Variants in NBPF26 observed in about 807,000 individuals in gnomAD.
The protein encoded by NBPF26 is NBPF family member NBPF26.
In NBPF26, 79 loss-of-function variants were observed where a neutral mutation model predicts 119.6. The observed-to-expected ratio is 0.66, with a 90% CI of 0.55 to 0.80. The LOEUF (loss-of-function observed/expected upper bound fraction) is 0.80, where lower values mean the gene tolerates loss of function less well. Ranked by LOEUF, NBPF26 falls within the 30% of genes least tolerant of loss-of-function variation. NBPF26 has a pLI of 0.00. For missense variants in NBPF26, 800 were observed against 1,198.2 expected (o/e 0.67, Z 4.91); for synonymous variants, 299 against 457.7 (o/e 0.65, Z 4.43).
Position 120,793,589 on chromosome 1 carries a change from A to G in NBPF26, c.751+93A>G. The G allele has an allele frequency of 3.1e-6, 3 of 972,818 alleles. 1 individual carries two copies. Among genetic ancestry groups the G allele is most frequent in the Non-Finnish European group, 1.5e-6 (1 of 669,622 alleles). 60.3% of individuals were successfully genotyped at this position (972,818 alleles called of 1,614,324 possible). On this transcript the variant is annotated intron_variant, in intron 4 of 29. Coordinates refer to ENST00000620612, the Ensembl canonical transcript of NBPF26. The stretch of plus-strand genomic sequence containing the variant: ...TCAATTGCATTTTTTAGGAAGCGCA[A>G]GGAAAAAGGGAAGTGAGAATTTTGT...
At position 120,785,202 on chromosome 1, in the gene NBPF26, C is replaced by G. The variant is rs1382545787; in HGVS notation, c.384C>G (p.Thr128=). 3 of 1,445,520 alleles carry G rather than the reference C, an allele frequency of 2.1e-6. 1 individual carries two copies. The Admixed American group carries it at 5.8e-5, about 28-fold the overall frequency. The allele number at this position is 1,445,520 out of a possible 1,614,324, so 89.5% of individuals were successfully genotyped here. A position where few individuals can be genotyped will look rare whatever the true frequency, so the allele number is the denominator to read the frequency against. The change falls in exon 3 of 30, where the codon ACC becomes ACG. Residue 128 remains threonine (T), a synonymous_variant. Transcript: ENST00000620612. ...CATGCCATATGCTCAGCCGGGATACCTATGAGTGCACCTGTCAAGTCGGGT... is the reference window on the plus strand; with the variant it reads ...CATGCCATATGCTCAGCCGGGATACGTATGAGTGCACCTGTCAAGTCGGGT...
At chr1:120,783,605 C>A (rs1651390272) in intron 2 of NBPF26, among the ~76,000 whole-genome samples, 1 of 94,562 alleles carries the variant, frequency 1.1e-5, no homozygotes, top group Non-Finnish European at 1.9e-5. Context: ...AGAGAGATGA[C>A]TTCTAGAAAA....
At chr1:120,806,391 G>C (rs1651684626) in intron 5 of NBPF26, among the ~76,000 whole-genome samples, 1 of 107,864 alleles carries the variant, frequency 9.3e-6, no homozygotes, top group Non-Finnish European at 1.8e-5. Context: ...TCAGCAGTTT[G>C]AGACTAGCCT....
In NBPF26 at chr1:120,814,756, A is replaced by G. The variant is rs1264728370; in HGVS notation, c.1878-73A>G. 153 of 974,640 alleles carry G rather than the reference A, an allele frequency of 1.6e-4. 22 individuals carry two copies. Among genetic ancestry groups the G allele is most frequent in the African/African-American group, 4.4e-4 (18 of 41,080 alleles). The allele number at this position is 974,640 out of a possible 1,614,324, so 60.4% of individuals were successfully genotyped here. Reference sequence around the variant, plus strand: ...TCTCCTTGAGGACATTGTCTCAGAAATCTCTGTTGCAATATTTGAGCGGAT... The same window carrying G: ...TCTCCTTGAGGACATTGTCTCAGAAGTCTCTGTTGCAATATTTGAGCGGAT... On this transcript the variant is annotated intron_variant, in intron 11 of 29. Coordinates refer to ENST00000620612, the Ensembl canonical transcript of NBPF26.
chr1:120,790,203 A>G lies in NBPF26; in HGVS notation c.416-2958A>G, dbSNP rs1651468926. Among the ~76,000 whole-genome samples, 2 of 103,114 alleles carry G rather than the reference A, an allele frequency of 1.9e-5. 1 individual carries two copies. The allele number at this position is 103,114 out of a possible 152,430, so 67.6% of individuals were successfully genotyped here. On this transcript the variant is annotated intron_variant, in intron 3 of 29. Coordinates refer to ENST00000620612, the Ensembl canonical transcript of NBPF26. ...GCTAATTTTTGTATTTTTAGTAGAG[A>G]TGGGCTTTCACCTTGTTAGCCAGAA...
In NBPF26 at chr1:120,813,871, G is replaced by T. The variant is rs1651937364; in HGVS notation, c.1775-20G>T. On this transcript the variant is annotated intron_variant, in intron 10 of 29. Coordinates refer to ENST00000620612, the Ensembl canonical transcript of NBPF26. ...CATGTCCAGCCTTCCACTGAGGCAG[G>T]TGTGTCTGTCTTTTCTCAGAATATG... 31 of 1,461,328 alleles carry T rather than the reference G, an allele frequency of 2.1e-5. 4 individuals carry two copies. The highest frequency in any genetic ancestry group is 1.8e-4 in the South Asian group (15 of 85,090). The allele number at this position is 1,461,328 out of a possible 1,614,324, so 90.5% of individuals were successfully genotyped here.
Position 120,724,236 on chromosome 1 carries a change from C to A in NBPF26, c.59C>A (p.Ala20Glu). 2.1e-6 allele frequency: 3 copies of A among 1,402,846 alleles called. No homozygotes were observed. The South Asian group carries it at 3.8e-5, about 18-fold the overall frequency. 86.9% of individuals were successfully genotyped at this position (1,402,846 alleles called of 1,614,324 possible). A position where few individuals can be genotyped will look rare whatever the true frequency, so the allele number is the denominator to read the frequency against. ...CTGCTGGCGCTCTGGCTGTGCTGGG[C>A]GGCCCCCGCGCATGGTGAGTATCGG... Residue 20 changes from alanine to glutamate, a missense_variant, in exon 1 of 30, where the codon GCG becomes GAG. By Grantham distance (107) the Ala-to-Glu change is moderately radical. This residue lies in a region of NBPF26 where 209 missense variants were observed against 285.2 expected (regional missense o/e 0.73). Transcript: ENST00000620612.
chr1:120,805,634 T>A lies in NBPF26; in HGVS notation c.830T>A (p.Met277Lys). ...CATTGGTCCAGTGAGAAGGCAGAGA[T>A]GAACATTCTAGAAATCAACGAGACA... The change falls in exon 5 of 30, where the codon ATG becomes AAG. Residue 277 changes from methionine (M) to lysine (K), a missense_variant. By Grantham distance (95) the Met-to-Lys change is moderately conservative. Coordinates refer to ENST00000620612, the Ensembl canonical transcript of NBPF26. 5.5e-6 allele frequency: 8 copies of A among 1,462,544 alleles called. 3 individuals carry two copies. The highest frequency in any genetic ancestry group is 7.4e-6 in the Non-Finnish European group (8 of 1,081,596). The allele number at this position is 1,462,544 out of a possible 1,614,324, so 90.6% of individuals were successfully genotyped here. A position where few individuals can be genotyped will look rare whatever the true frequency, so the allele number is the denominator to read the frequency against.
At chr1:120,816,355 G>A (rs1343849070) in intron 13 of NBPF26, among the ~76,000 whole-genome samples, 198 bp downstream of exon 13, 6 of 112,294 alleles carry the variant, frequency 5.3e-5, no homozygotes, top group South Asian at 2.7e-4. Flanking sequence ...TGTCTGCACC[G>A]TACAGGGATA....
intron 2 of NBPF26, among the ~76,000 whole-genome samples, chr1:120,772,301 AG>A (rs1172181412): frequency 6.7e-5 from 1 of 14,972 alleles, no homozygotes; most frequent in Non-Finnish European, 1.7e-4. Flanking sequence ...TACAGTAGTT[AG>A]GAATGAAGTT....
exon 4 of NBPF26, chr1:120,793,193 T>C (rs1222760496): frequency 1.4e-6 from 2 of 1,441,494 alleles, no homozygotes; most frequent in Admixed American, 3.9e-5. Context: ...TGCCTGCCTG[T>C]CTCATCTCTG....
At chr1:120,838,500 C>CTCTG (rs1319679689) in intron 27 of NBPF26, among the ~76,000 whole-genome samples, 6 of 79,770 alleles carry the variant, frequency 7.5e-5, no homozygotes, top group African/African-American at 3.4e-4. Context: ...TTCTCTCTCT[C>CTCTG]TCTCTCTCTG....
intron 1 of NBPF26, among the ~76,000 whole-genome samples, chr1:120,752,555 T>TATATG (rs1286857308): frequency 1.5e-4 from 1 of 6,630 alleles, no homozygotes; most frequent in African/African-American, 1.4e-3. Context: ...TATATATATA[T>TATATG]TTTTTTTTTT....
rs77570381 is a variant in NBPF26 at position 120,840,409 on chromosome 1, T to C, written c.4163T>C (p.Ile1388Thr). Residue 1388 changes from isoleucine to threonine, a missense_variant, in exon 30 of 30, where the codon ATA becomes ACA. Transcript: ENST00000620612. ...GAAGTCTTGCAGGACTCACTGGATA[T>C]ATGTTATTCGACTCCGTCAATGTAC... 5.3e-5 allele frequency: 78 copies of C among 1,464,708 alleles called. 11 individuals are homozygous for C. The Admixed American group carries it at 7.5e-4, about 14-fold the overall frequency. 90.7% of individuals were successfully genotyped at this position (1,464,708 alleles called of 1,614,324 possible).
intron 5 of NBPF26, among the ~76,000 whole-genome samples, 182 bp downstream of exon 5, chr1:120,805,947 T>A (rs1651670768): frequency 1.8e-5 from 2 of 111,264 alleles, no homozygotes; most frequent in Non-Finnish European, 3.5e-5. Context: ...ATTTAGCAAC[T>A]TTCCATGTTT....
intron 7 of NBPF26, among the ~76,000 whole-genome samples, chr1:120,809,518 G>T (rs1203490285): frequency 1.8e-3 from 272 of 150,464 alleles, no homozygotes; most frequent in African/African-American, 2.9e-3. Flanking sequence ...GTGGCAGGAT[G>T]GGGGAGACAG....
chr1:120,724,325 C>G (rs1650790603), intron 1 of NBPF26, 75 bp downstream of exon 1: 1 of 1,361,420 alleles, frequency 7.3e-7, no homozygotes, highest in East Asian at 2.6e-5. Context: ...CCCCCTCAGT[C>G]CTTCTCTGTG....
chr1:120,743,892 T>C (rs1169655800), intron 1 of NBPF26, among the ~76,000 whole-genome samples: 1 of 114,436 alleles, frequency 8.7e-6, no homozygotes, highest in African/African-American at 4.1e-5. Context: ...TCAGAGAGTT[T>C]GCAGCAATTA....
chr1:120,810,988 C>A (rs1315094725), intron 9 of NBPF26, among the ~76,000 whole-genome samples: 2 of 106,130 alleles, frequency 1.9e-5, no homozygotes, highest in Non-Finnish European at 3.6e-5. Flanking sequence ...CACCTGTAAT[C>A]CGAGCACTTT....
Sources: allele counts gnomAD v4.1 joint callset (sites outside exome capture counted in the v4.1 genomes callset), GRCh38; gene constraint gnomAD v4.1.1; regional missense constraint gnomAD v4.1.1; transcripts MANE v1.5; gene names NCBI Gene and HGNC (gene_info 2026-07-23, HGNC 2026-07-21).